Variants in ANXA3 observed in about 807,000 individuals in gnomAD.
The protein encoded by ANXA3 is 35-alpha calcimedin.
A neutral mutation model predicts 48.8 loss-of-function variants in ANXA3; 46 were observed. The observed-to-expected ratio is 0.94, with a 90% CI of 0.74 to 1.21. The LOEUF (loss-of-function observed/expected upper bound fraction) is 1.21. Among genes scored for constraint, ANXA3 ranks in the 50% most tolerant of loss-of-function variants. The pLI, the probability that ANXA3 is intolerant of heterozygous loss-of-function variation, is 0.00. For synonymous variants in ANXA3, 128 were observed against 134.7 expected (o/e 0.95, Z 0.35); for missense variants, 383 against 378.6 (o/e 1.01, Z -0.10).
intron 11 of ANXA3, chr4:78,603,059 C>T (rs780479040): frequency 6.6e-6 from 1 of 152,338 alleles, no homozygotes; most frequent in Non-Finnish European, 1.5e-5. Context: ...CTGTACCAGG[C>T]CAATTGGTTC....
intron 12 of ANXA3, among the ~76,000 whole-genome samples, chr4:78,607,794 C>T (rs113300740): frequency 6.6e-6 from 1 of 152,262 alleles, no homozygotes; most frequent in Non-Finnish European, 1.5e-5. Flanking sequence ...AGAAATGGGT[C>T]TTGAGCCTGC....
intron 3 of ANXA3, among the ~76,000 whole-genome samples, chr4:78,578,712 T>G (rs1723011660): frequency 6.6e-6 from 1 of 152,108 alleles, no homozygotes; most frequent in South Asian, 2.1e-4. Context: ...CCAAACCTCA[T>G]AAAGGTAAAA....
intron 2 of ANXA3, among the ~76,000 whole-genome samples, chr4:78,567,058 C>T (rs1026559630): frequency 6.6e-6 from 1 of 152,162 alleles, no homozygotes; most frequent in Non-Finnish European, 1.5e-5. Context: ...TGGGAGGCTT[C>T]TGTTTGTGCA....
Position 78,604,844 on chromosome 4 carries a change from G to C in ANXA3, c.912+445G>C, listed in dbSNP as rs140793000. 3.5e-4 allele frequency among the ~76,000 whole-genome samples: 54 copies of C among 152,230 alleles called. No individual in the cohort carries two copies. The East Asian group carries it at 0.01, about 28-fold the overall frequency. ...AACTTTCTCATTTTATTTAACAGCT[G>C]TATATCATTCCATTGTTTGTATATT... On this transcript the variant is annotated intron_variant, in intron 12 of 12. Coordinates refer to ENST00000264908, the MANE Select transcript of ANXA3 (RefSeq NM_005139.3).
At chr4:78,577,541 C>T (rs966809191) in intron 3 of ANXA3, among the ~76,000 whole-genome samples, 19 of 152,122 alleles carry the variant, frequency 1.2e-4, no homozygotes, top group African/African-American at 3.6e-4. Flanking sequence ...TAATCTGATT[C>T]GGTATTTATT....
chr4:78,601,236 G>A (rs761326893), intron 10 of ANXA3, among the ~76,000 whole-genome samples: 5 of 152,208 alleles, frequency 3.3e-5, no homozygotes, highest in Admixed American at 6.5e-5. Flanking sequence ...ATCCAGAGAT[G>A]AGTCAGTCGC....
chr4:78,573,251 A>T lies in ANXA3; in HGVS notation c.87A>T (p.Lys29Asn), dbSNP rs376288958. ...CAGTGGATGCTGAAGCTATTCAGAA[A>T]GCAATCAGAGGAATTGGTGAGTGAT... ...SPSVDAEAIQKAIRGIGTDEK... is the reference protein window; with the variant it reads ...SPSVDAEAIQNAIRGIGTDEK... The change falls in exon 3 of 13, where the codon AAA becomes AAT. Residue 29 changes from lysine (K) to asparagine (N), a missense_variant. By Grantham distance (94) the Lys-to-Asn change is moderately conservative. Transcript: ENST00000264908. 33 of 1,611,820 alleles carry T rather than the reference A, an allele frequency of 2.0e-5. 1 individual carries two copies. The highest frequency in any genetic ancestry group is 4.0e-5 in the African/African-American group (3 of 74,882).
At chr4:78,577,388 G>A (rs753051537) in intron 3 of ANXA3, among the ~76,000 whole-genome samples, 1 of 152,132 alleles carries the variant, frequency 6.6e-6, no homozygotes, top group Non-Finnish European at 1.5e-5. Context: ...AAGTCAGAGA[G>A]GAAATACAAT....
At chr4:78,593,625 C>CATTATTATT (rs568701695) in intron 7 of ANXA3, among the ~76,000 whole-genome samples, 5,947 of 146,936 alleles carry the variant, frequency 0.04, 444 homozygotes, top group African/African-American at 0.14. Flanking sequence ...CTTTCCTTTC[C>CATTATTATT]ATTATTATTA....
chr4:78,589,288 C>T (rs1723241339), intron 6 of ANXA3, among the ~76,000 whole-genome samples: 1 of 152,162 alleles, frequency 6.6e-6, no homozygotes, highest in Admixed American at 6.5e-5. Context: ...ACCAGAGCCT[C>T]AATTTCTATG....
chr4:78,590,978 A>G (rs1723280923), intron 6 of ANXA3, among the ~76,000 whole-genome samples: 1 of 152,130 alleles, frequency 6.6e-6, no homozygotes, highest in Non-Finnish European at 1.5e-5. Flanking sequence ...TTCACAGTCC[A>G]AGATGGCTGC....
chr4:78,565,610 C>T (rs76005332), intron 2 of ANXA3, among the ~76,000 whole-genome samples: 4,506 of 152,246 alleles, frequency 0.03, 216 homozygotes, highest in African/African-American at 0.1. Context: ...TGGCGATGAG[C>T]ACAGAAACTG....
chr4:78,573,072 G>C (rs201948298), intron 2 of ANXA3, 108 bp from the exon 3 acceptor site: 1 of 864,456 alleles, frequency 1.2e-6, no homozygotes, highest in Non-Finnish European at 2.0e-6. Flanking sequence ...GAAGGTGTGC[G>C]AATTATGGGT....
At chr4:78,597,058 A>G (rs6854623) in intron 9 of ANXA3, 5,606 of 323,032 alleles carry the variant, frequency 0.017, 311 homozygotes, top group African/African-American at 0.12. Flanking sequence ...GCTATTTAAA[A>G]TGCTTACTGC....
intron 12 of ANXA3, among the ~76,000 whole-genome samples, chr4:78,605,415 G>A (rs180776544): frequency 6.6e-6 from 1 of 152,150 alleles, no homozygotes; most frequent in Non-Finnish European, 1.5e-5. Context: ...CTCTTTCTGT[G>A]ATCTGTCTTT....
At chr4:78,574,570 A>G (rs1722910119) in intron 3 of ANXA3, among the ~76,000 whole-genome samples, 1 of 152,226 alleles carries the variant, frequency 6.6e-6, no homozygotes, top group African/African-American at 2.4e-5. Context: ...ATATACATGT[A>G]CATATTGTTA....
At chr4:78,607,918 C>T (rs773683335) in intron 12 of ANXA3, among the ~76,000 whole-genome samples, 5 of 151,918 alleles carry the variant, frequency 3.3e-5, no homozygotes, top group Non-Finnish European at 7.4e-5. Context: ...GCTCTAGAGA[C>T]AGATATGGGA....
intron 3 of ANXA3, among the ~76,000 whole-genome samples, chr4:78,578,298 C>CGAGAGTGAGA (rs1451574068): frequency 2.6e-4 from 12 of 46,516 alleles, no homozygotes; most frequent in East Asian, 2.5e-3. Flanking sequence ...AGAGAGAGAG[C>CGAGAGTGAGA]GAGAGAGAGA....
intron 4 of ANXA3, 95 bp downstream of exon 4, chr4:78,579,216 G>T: frequency 1.3e-6 from 1 of 793,504 alleles, no homozygotes; most frequent in South Asian, 2.0e-5. Flanking sequence ...GTTTCAGGCT[G>T]AGTGTAACAG....
Sources: gnomAD v4.1 joint callset for allele counts (sites outside exome capture counted in the v4.1 genomes callset) on GRCh38, gnomAD v4.1.1 for gene constraint, MANE v1.5 for transcripts, NCBI Gene and HGNC (gene_info 2026-07-23, HGNC 2026-07-21) for gene names.